Variants in DLG2 observed in about 807,000 individuals in gnomAD.
DLG2 encodes the protein discs large MAGUK scaffold protein 2.
Under a neutral mutation model 132.5 loss-of-function variants are expected in DLG2, and 45 were observed. The observed-to-expected ratio is 0.34, with a 90% CI of 0.27 to 0.44. The LOEUF is 0.44. Among genes scored for constraint, DLG2 ranks in the 20% least tolerant of loss-of-function variants. The pLI is 1.00. For synonymous variants in DLG2, 424 were observed against 419.6 expected, an observed-to-expected ratio of 1.01 and a Z score of -0.13; for missense variants, 1,045 against 1,196.9, an observed-to-expected ratio of 0.87 and a Z score of 1.87.
chr11:85,317,288 G>C (rs138834369), intron 3 of DLG2, among the ~76,000 whole-genome samples: 56 of 151,796 alleles, frequency 3.7e-4, no homozygotes, highest in African/African-American at 1.3e-3. Context: ...CCACTGAAAG[G>C]GTTCAATATT....
intron 15 of DLG2, among the ~76,000 whole-genome samples, chr11:83,887,266 T>C (rs2068188869): frequency 6.6e-6 from 1 of 151,846 alleles, no homozygotes; most frequent in Non-Finnish European, 1.5e-5. Flanking sequence ...ATAAAGGGGA[T>C]ATCACCACCG....
At chr11:85,618,006 G>T (rs554881865) in intron 2 of DLG2, among the ~76,000 whole-genome samples, 2 of 152,190 alleles carry the variant, frequency 1.3e-5, no homozygotes, top group African/African-American at 4.8e-5. Flanking sequence ...CTAAAATAAA[G>T]GAGGTCAGGA....
chr11:83,480,498 C>A, intron 22 of DLG2: 2 of 1,492,948 alleles, frequency 1.3e-6, no homozygotes, highest in South Asian at 2.4e-5. Context: ...TGCAAGGCTA[C>A]CAGAAATGTG....
intron 7 of DLG2, among the ~76,000 whole-genome samples, chr11:84,504,819 G>C (rs1163385796): frequency 1.6e-5 from 1 of 61,702 alleles, no homozygotes; most frequent in Non-Finnish European, 3.1e-5. Flanking sequence ...TGTTTTAGCA[G>C]CAACATCTAT....
intron 4 of DLG2, among the ~76,000 whole-genome samples, chr11:85,251,197 GA>G (rs1053963252): frequency 3.8e-4 from 58 of 152,186 alleles, no homozygotes; most frequent in African/African-American, 1.3e-3. Context: ...GGAAAGTGCA[GA>G]AAAAATAAGG....
intron 15 of DLG2, among the ~76,000 whole-genome samples, chr11:83,900,829 C>T (rs902083234): frequency 7.2e-5 from 11 of 152,090 alleles, no homozygotes; most frequent in African/African-American, 2.7e-4. Flanking sequence ...TCCTCTAGAC[C>T]CCAGAATGGT....
chr11:83,879,438 C>T (rs552072254), intron 15 of DLG2, among the ~76,000 whole-genome samples: 11 of 152,172 alleles, frequency 7.2e-5, no homozygotes, highest in African/African-American at 2.4e-4. Context: ...TTTAACTCTT[C>T]ATCTCTCTCT....
chr11:84,002,161 C>T (rs2094382403), intron 11 of DLG2, among the ~76,000 whole-genome samples: 1 of 152,058 alleles, frequency 6.6e-6, no homozygotes, highest in Non-Finnish European at 1.5e-5. Flanking sequence ...GATAAACTAC[C>T]ACCTAAAATA....
rs557044571 is a variant in DLG2, at chr11:84,815,822, G to A, written c.358-281091C>T. On this transcript the variant is annotated intron_variant, in intron 6 of 27. Coordinates refer to ENST00000376104, the MANE Select transcript of DLG2 (RefSeq NM_001142699.3). ...GGTTATGATGAGAGGGTCTGGAGCT[G>A]TTAAACATAGTGTGCCACCTCATAG... 3.0e-4 allele frequency among the ~76,000 whole-genome samples: 45 copies of A among 152,156 alleles called. 1 individual carries two copies. The South Asian group carries it at 8.9e-3, about 30-fold the overall frequency.
intron 7 of DLG2, among the ~76,000 whole-genome samples, chr11:84,512,773 G>A (rs2099260590): frequency 1.3e-5 from 2 of 152,012 alleles, no homozygotes; most frequent in African/African-American, 4.8e-5. Context: ...TAAAGAAAAT[G>A]TGGCACGTAT....
intron 17 of DLG2, among the ~76,000 whole-genome samples, chr11:83,801,180 A>G (rs1478324067): frequency 6.6e-6 from 1 of 151,958 alleles, no homozygotes; most frequent in Non-Finnish European, 1.5e-5. Flanking sequence ...GTTCATAGCC[A>G]TATTCTAATT....
At chr11:83,958,750 T>A (rs924183620) in intron 14 of DLG2, among the ~76,000 whole-genome samples, 1 of 152,112 alleles carries the variant, frequency 6.6e-6, no homozygotes, top group African/African-American at 2.4e-5. Flanking sequence ...ACCGGTAACA[T>A]ACAAAATAGA....
intron 4 of DLG2, among the ~76,000 whole-genome samples, chr11:85,240,717 TAA>T (rs772542534): frequency 6.6e-6 from 1 of 151,314 alleles, no homozygotes; most frequent in Non-Finnish European, 1.5e-5. Flanking sequence ...TTCACACACA[TAA>T]GTTTGTTTTT....
intron 3 of DLG2, among the ~76,000 whole-genome samples, chr11:85,495,479 A>G (rs2093649333): frequency 6.6e-6 from 1 of 152,206 alleles, no homozygotes; most frequent in Non-Finnish European, 1.5e-5. Flanking sequence ...AAAAGATATG[A>G]ATAGACACTT....
At chr11:85,037,526 T>C (rs527429408) in intron 6 of DLG2, among the ~76,000 whole-genome samples, 10 of 152,300 alleles carry the variant, frequency 6.6e-5, no homozygotes, top group Non-Finnish European at 1.2e-4. Flanking sequence ...CAGGAGAGTA[T>C]AATGACAGCA....
chr11:84,405,718 G>A (rs2098846400), intron 7 of DLG2, among the ~76,000 whole-genome samples: 1 of 152,066 alleles, frequency 6.6e-6, no homozygotes, highest in African/African-American at 2.4e-5. Flanking sequence ...AAGTACTAAG[G>A]GGGAAAAAAA....
chr11:84,979,778 A>C (rs2055470106), intron 6 of DLG2, among the ~76,000 whole-genome samples: 1 of 152,152 alleles, frequency 6.6e-6, no homozygotes, highest in Non-Finnish European at 1.5e-5. Flanking sequence ...CATGTTGTGC[A>C]CATGTACCCT....
intron 15 of DLG2, among the ~76,000 whole-genome samples, chr11:83,895,281 T>A (rs946779085): frequency 2.0e-5 from 3 of 150,194 alleles, no homozygotes; most frequent in Admixed American, 1.3e-4. Context: ...TGCCTCAGCC[T>A]CCCGAGTAGC....
intron 16 of DLG2, among the ~76,000 whole-genome samples, chr11:83,855,350 A>G (rs1176627746): frequency 6.6e-6 from 1 of 152,200 alleles, no homozygotes; most frequent in African/African-American, 2.4e-5. Flanking sequence ...ACATGTCCAC[A>G]AAAAAACCTG....
Sources: gnomAD v4.1 joint callset for allele counts (sites outside exome capture counted in the v4.1 genomes callset) on GRCh38, gnomAD v4.1.1 for gene constraint, MANE v1.5 for transcripts, NCBI Gene and HGNC (gene_info 2026-07-23, HGNC 2026-07-21) for gene names.